RAB38: variants seen among roughly 807,000 people sequenced by gnomAD.
RAB38 encodes the protein ras-related protein Rab-38.
A neutral mutation model predicts 18.4 loss-of-function variants in RAB38; 15 were observed. That is an observed-to-expected ratio of 0.82 (90% CI 0.55 to 1.26). RAB38 has a LOEUF of 1.26. Ranked by LOEUF, RAB38 falls within the 50% of genes most tolerant of loss-of-function variation. RAB38 has a pLI of 0.00. For missense variants in RAB38, 294 were observed against 267.4 expected (o/e 1.10, Z -0.69); for synonymous variants, 101 against 104.4 (o/e 0.97, Z 0.20).
chr11:88,130,447 C>A (rs1055803364), intron 2 of RAB38, among the ~76,000 whole-genome samples: 5 of 152,062 alleles, frequency 3.3e-5, no homozygotes, highest in East Asian at 1.9e-4. Context: ...TTATTCAGAG[C>A]AAAAGTATTA....
chr11:87,894,294 T>C, the RAB38 span, among the ~76,000 whole-genome samples: 3 of 151,672 alleles, frequency 2.0e-5, no homozygotes, highest in African/African-American at 7.2e-5. Flanking sequence ...GAATAAATAA[T>C]TCTACAGAGA....
chr11:88,135,839 C>G (rs1293928700), intron 2 of RAB38, among the ~76,000 whole-genome samples: 1 of 152,184 alleles, frequency 6.6e-6, no homozygotes, highest in African/African-American at 2.4e-5. Context: ...CATCTCAATG[C>G]TGTCATTCCT....
At chr11:88,009,473 G>C in the RAB38 span, among the ~76,000 whole-genome samples, 6 of 152,248 alleles carry the variant, frequency 3.9e-5, no homozygotes, top group African/African-American at 1.4e-4. Flanking sequence ...GAAGTTTCAG[G>C]GTAAATCTTC....
the RAB38 span, among the ~76,000 whole-genome samples, chr11:87,852,615 A>G: frequency 6.6e-6 from 1 of 152,160 alleles, no homozygotes; most frequent in Non-Finnish European, 1.5e-5. Flanking sequence ...TTTAATAGTA[A>G]GTTTCAACAT....
chr11:87,952,191 C>T, the RAB38 span, among the ~76,000 whole-genome samples: 355 of 152,244 alleles, frequency 2.3e-3, 1 homozygote, highest in African/African-American at 8.0e-3. Context: ...AGGGAACACT[C>T]TCATCTCTTA....
the RAB38 span, among the ~76,000 whole-genome samples, chr11:88,065,553 T>C: frequency 6.6e-6 from 1 of 152,106 alleles, no homozygotes; most frequent in Non-Finnish European, 1.5e-5. Flanking sequence ...TCGGGAAGAG[T>C]TAGAGCATTT....
the RAB38 span, among the ~76,000 whole-genome samples, chr11:87,920,603 T>A: frequency 6.6e-6 from 1 of 152,014 alleles, no homozygotes; most frequent in Admixed American, 6.6e-5. Context: ...GAATAGAATG[T>A]GTATTTTGCA....
chr11:88,008,049 A>T, the RAB38 span, among the ~76,000 whole-genome samples: 1 of 152,130 alleles, frequency 6.6e-6, no homozygotes, highest in Admixed American at 6.6e-5. Flanking sequence ...TATGTAAATC[A>T]GGAGAGTTGT....
the RAB38 span, among the ~76,000 whole-genome samples, chr11:87,954,571 C>A: frequency 6.6e-6 from 1 of 151,916 alleles, no homozygotes; most frequent in Non-Finnish European, 1.5e-5. Context: ...AATTTCTGTG[C>A]CTTATCTGAA....
the RAB38 span, among the ~76,000 whole-genome samples, chr11:87,977,616 T>G: frequency 8.4e-6 from 1 of 118,688 alleles, no homozygotes; most frequent in South Asian, 2.5e-4. Flanking sequence ...AATTATATAA[T>G]TATGTAATTG....
the RAB38 span, among the ~76,000 whole-genome samples, chr11:87,833,533 A>G: frequency 6.6e-6 from 1 of 152,220 alleles, no homozygotes; most frequent in Non-Finnish European, 1.5e-5. Context: ...TCGATTTGTA[A>G]TGATAACAGA....
At chr11:88,099,330 T>C in the RAB38 span, among the ~76,000 whole-genome samples, 1 of 149,022 alleles carries the variant, frequency 6.7e-6, no homozygotes, top group Non-Finnish European at 1.5e-5. Context: ...GCCCTAGAGC[T>C]CAAGGAAATC....
chr11:87,939,684 C>T, the RAB38 span, among the ~76,000 whole-genome samples: 2 of 151,752 alleles, frequency 1.3e-5, 1 homozygote, highest in South Asian at 4.2e-4. Context: ...ATGGTGAGAC[C>T]CCCTCTGTAC....
chr11:88,032,008 C>T, the RAB38 span, among the ~76,000 whole-genome samples: 1 of 150,858 alleles, frequency 6.6e-6, no homozygotes, highest in Admixed American at 6.6e-5. Flanking sequence ...ACCAAAACAG[C>T]ATGGTACTGG....
chr11:87,887,332 C>T, the RAB38 span, among the ~76,000 whole-genome samples: 1 of 151,950 alleles, frequency 6.6e-6, no homozygotes, highest in Non-Finnish European at 1.5e-5. Flanking sequence ...CATCCTTGCC[C>T]TCTTCTTCCT....
the RAB38 span, among the ~76,000 whole-genome samples, chr11:87,909,904 T>G: frequency 6.6e-6 from 1 of 152,110 alleles, no homozygotes; most frequent in Non-Finnish European, 1.5e-5. Context: ...AACATATGCA[T>G]TAATTTATCT....
chr11:87,848,650 T>C, the RAB38 span, among the ~76,000 whole-genome samples: 1 of 152,128 alleles, frequency 6.6e-6, no homozygotes, highest in African/African-American at 2.4e-5. Context: ...ATTCTAGTAA[T>C]GCCCAATACA....
At chr11:87,973,197 G>T in the RAB38 span, among the ~76,000 whole-genome samples, 1 of 151,918 alleles carries the variant, frequency 6.6e-6, no homozygotes, top group African/African-American at 2.4e-5. Flanking sequence ...ATGTAGGGAG[G>T]AGCTAAATAA....
intron 1 of RAB38, among the ~76,000 whole-genome samples, chr11:88,171,926 A>G (rs186972833): frequency 1.2e-4 from 18 of 152,366 alleles, no homozygotes; most frequent in African/African-American, 3.8e-4. Context: ...TCAGAAATAG[A>G]TTTTAATTCA....
Sources: allele counts gnomAD v4.1 joint callset (sites outside exome capture counted in the v4.1 genomes callset), GRCh38; gene constraint gnomAD v4.1.1; transcripts MANE v1.5; gene names NCBI Gene and HGNC (gene_info 2026-07-23, HGNC 2026-07-21).